ERICH3: variants seen among roughly 807,000 people sequenced by gnomAD.
The protein encoded by ERICH3 is glutamate rich 3.
Under a neutral mutation model 131.1 loss-of-function variants are expected in ERICH3, and 126 were observed. That is an observed-to-expected ratio of 0.96 (90% confidence interval 0.83 to 1.11). The LOEUF is 1.11. Ranked by LOEUF, ERICH3 falls within the 50% of genes most tolerant of loss-of-function variation. ERICH3 has a pLI of 0.00. For synonymous variants in ERICH3, 695 were observed against 644.6 expected (o/e 1.08, Z -1.18); for missense variants, 2,050 against 1,810.7 (o/e 1.13, Z -2.40).
At position 74,634,527 on chromosome 1, in the gene ERICH3, A is replaced by G. The variant is rs1288104687; in HGVS notation, c.603+1753T>C. ...GCTCAGAACAGATTTGAAGAGTCAC[A>G]TTAAAGGAAAAAAAAATTGCTCCCC... On this transcript the variant is annotated intron_variant, in intron 6 of 14. Transcript: ENST00000326665. 22 of 602,642 alleles carry G rather than the reference A, an allele frequency of 3.7e-5. No homozygotes were observed. In the South Asian group the frequency reaches 4.4e-4, roughly 12 times the overall value. The allele number at this position is 602,642 out of a possible 1,614,324, so 37.3% of individuals were successfully genotyped here. A position where few individuals can be genotyped will look rare whatever the true frequency, so the allele number is the denominator to read the frequency against.
intron 6 of ERICH3, among the ~76,000 whole-genome samples, chr1:74,632,389 TCA>T (rs1646347690): frequency 6.6e-6 from 1 of 151,560 alleles, no homozygotes; most frequent in African/African-American, 2.4e-5. Context: ...CATAAATAAC[TCA>T]TGTACTATTT....
rs113375464 is a variant in ERICH3 at position 74,590,738 on chromosome 1, C to T, written c.1727-658G>A. 5.3e-3 allele frequency among the ~76,000 whole-genome samples: 806 copies of T among 152,212 alleles called. 9 individuals carry two copies. The highest frequency in any genetic ancestry group is 0.019 in the African/African-American group (772 of 41,536). On this transcript the variant is annotated intron_variant, in intron 11 of 14. Transcript: ENST00000326665. ...ATAGGCCATGGACCCTGTACCAGTC[C>T]GTGGCCCGGGGATTAGATCCCTGGT...
intron 6 of ERICH3, among the ~76,000 whole-genome samples, chr1:74,632,462 A>G (rs1646349321): frequency 1.3e-5 from 2 of 152,028 alleles, no homozygotes; most frequent in South Asian, 2.1e-4. Context: ...TTTAAGGTAT[A>G]TATCCTTTGA....
chr1:74,596,481 A>G (rs1647857048), intron 11 of ERICH3, among the ~76,000 whole-genome samples: 1 of 152,096 alleles, frequency 6.6e-6, no homozygotes, highest in Non-Finnish European at 1.5e-5. Context: ...TGTGGCGACA[A>G]TATTCAAAAT....
chr1:74,576,731 G>T (rs1647062666), intron 13 of ERICH3, among the ~76,000 whole-genome samples, 164 bp downstream of exon 13: 1 of 151,960 alleles, frequency 6.6e-6, no homozygotes, highest in African/African-American at 2.4e-5. Flanking sequence ...ACCTTTTCCT[G>T]CCACCATACA....
chr1:74,656,701 C>T (rs888984359), intron 1 of ERICH3, among the ~76,000 whole-genome samples: 4 of 152,274 alleles, frequency 2.6e-5, no homozygotes, highest in Non-Finnish European at 4.4e-5. Flanking sequence ...TGAAAATACC[C>T]ACATAGAATC....
intron 11 of ERICH3, among the ~76,000 whole-genome samples, chr1:74,599,007 TTAA>T (rs1453826316): frequency 6.6e-6 from 1 of 151,978 alleles, no homozygotes; most frequent in African/African-American, 2.4e-5. Flanking sequence ...TTTAGGATAC[TTAA>T]TATGTGCACA....
chr1:74,594,273 CGTGTGTGTGT>C (rs10655150), intron 11 of ERICH3, among the ~76,000 whole-genome samples: 4 of 144,784 alleles, frequency 2.8e-5, no homozygotes, highest in Admixed American at 6.9e-5. Flanking sequence ...AAAAATGGGG[CGTGTGTGTGT>C]GTGTGTGTGT....
chr1:74,576,824 G>C, intron 13 of ERICH3, 71 bp downstream of exon 13: 1 of 1,370,886 alleles, frequency 7.3e-7, no homozygotes, highest in Non-Finnish European at 1.0e-6. Flanking sequence ...AACATGGGAA[G>C]TTTGACCAGA....
At chr1:74,625,332 A>G (rs1649377820) in intron 7 of ERICH3, 2 of 152,096 alleles carry the variant, frequency 1.3e-5, no homozygotes, top group South Asian at 4.2e-4. Context: ...GTTTTTCCAT[A>G]AAGTTTAATT....
rs781650874 is a variant in ERICH3, at chr1:74,636,363, C to T, written c.520G>A (p.Ala174Thr). The change falls in exon 6 of 15, where the codon GCA becomes ACA. Residue 174 changes from alanine to threonine, a missense_variant. Physicochemically the swap from Ala to Thr is moderately conservative, Grantham distance 58 (BLOSUM62 0). Transcript: ENST00000326665. ...GTTACCTTTGGAACAGTTTCTACTG[C>T]AGGATTACTGGGAAGAGGCTGTAAT... ...IRLQPLPSNP[A>T]VETVPKVTSR... The T allele has an allele frequency of 1.5e-5, 24 of 1,613,132 alleles. No individual in the cohort carries two copies. Among genetic ancestry groups the T allele is most frequent in the Non-Finnish European group, 7.6e-6 (9 of 1,179,364 alleles).
intron 11 of ERICH3, among the ~76,000 whole-genome samples, chr1:74,598,409 G>C (rs531722590): frequency 6.6e-6 from 1 of 151,776 alleles, no homozygotes. Context: ...TTAGGAGAAG[G>C]CTTTTTAATT....
In ERICH3 at chr1:74,571,650, C is replaced by T; in HGVS notation, c.4060G>A (p.Ala1354Thr). 6.2e-7 allele frequency: 1 copy of T among 1,614,164 alleles called. No homozygotes were observed. The highest frequency in any genetic ancestry group is 8.5e-7 in the Non-Finnish European group (1 of 1,180,016). Residue 1354 changes from alanine to threonine, a missense_variant, in exon 14 of 15, where the codon GCA becomes ACA. Physicochemically the swap from Ala to Thr is moderately conservative, Grantham distance 58 (BLOSUM62 0). Coordinates refer to ENST00000326665, the MANE Select transcript of ERICH3 (RefSeq NM_001002912.5). ...HGGGETAETAAEEREVLAGSE... is the reference protein window; with the variant it reads ...HGGGETAETATEEREVLAGSE... ...CCTGCCAACACCTCCCTCTCCTCTG[C>T]GGCTGTTTCTGCCGTTTCACCACCT...
In ERICH3 at chr1:74,620,725, T is replaced by G. The variant is rs1315284131; in HGVS notation, c.1000+9A>C. The stretch of plus-strand genomic sequence containing the variant: ...AAGCAATTAAAAAACATTCACATTT[T>G]ATGTGTACCTTTTTCAAGTAGTTTG... On this transcript the variant is annotated intron_variant, in intron 8 of 14. Transcript: ENST00000326665. 1.3e-6 allele frequency: 2 copies of G among 1,584,760 alleles called. No individual in the cohort carries two copies. Among genetic ancestry groups the G allele is most frequent in the Non-Finnish European group, 1.7e-6 (2 of 1,166,002 alleles).
At chr1:74,641,570 T>A in intron 4 of ERICH3, 111 bp from the exon 5 acceptor site, 1 of 1,282,694 alleles carries the variant, frequency 7.8e-7, no homozygotes, top group Non-Finnish European at 1.1e-6. Context: ...TCTCATTTCT[T>A]CCAAGAGTTA....
intron 12 of ERICH3, among the ~76,000 whole-genome samples, chr1:74,585,751 A>G (rs948643553): frequency 6.6e-6 from 1 of 151,990 alleles, no homozygotes; most frequent in African/African-American, 2.4e-5. Flanking sequence ...ATCTAAGTAC[A>G]ATATATATGT....
chr1:74,652,333 T>C (rs1213613556), intron 1 of ERICH3, among the ~76,000 whole-genome samples: 1 of 152,142 alleles, frequency 6.6e-6, no homozygotes, highest in Non-Finnish European at 1.5e-5. Flanking sequence ...GGTCAAATGC[T>C]GCGTGGGCCA....
chr1:74,614,628 G>C (rs1315893004), intron 8 of ERICH3, among the ~76,000 whole-genome samples: 1 of 148,100 alleles, frequency 6.8e-6, no homozygotes, highest in African/African-American at 2.5e-5. Context: ...AGCGAGCCGA[G>C]ATCACGCCAC....
At chr1:74,629,375 T>A (rs1049192173) in intron 7 of ERICH3, among the ~76,000 whole-genome samples, 1 of 152,092 alleles carries the variant, frequency 6.6e-6, no homozygotes, top group Non-Finnish European at 1.5e-5. Flanking sequence ...AAAGGTTTTT[T>A]TTTTCTTGGA....
Sources: allele counts gnomAD v4.1 joint callset (sites outside exome capture counted in the v4.1 genomes callset), GRCh38; gene constraint gnomAD v4.1.1; transcripts MANE v1.5; gene names NCBI Gene and HGNC (gene_info 2026-07-23, HGNC 2026-07-21).